The following EFNB2 variants were observed in gnomAD, a reference collection of about 807,000 sequenced individuals.
EFNB2 encodes ephrin-B2.
Under a neutral mutation model 32.1 loss-of-function variants are expected in EFNB2, and 5 were observed. The observed-to-expected ratio is 0.16, with a 90% CI of 0.08 to 0.33. The LOEUF (loss-of-function observed/expected upper bound fraction) is 0.33. Among genes scored for constraint, EFNB2 ranks in the 10% least tolerant of loss-of-function variants. The pLI is 1.00. For missense variants in EFNB2, 263 were observed against 422.6 expected, an observed-to-expected ratio of 0.62 and a Z score of 3.31; for synonymous variants, 168 against 166.5, an observed-to-expected ratio of 1.01 and a Z score of -0.07.
intron 1 of EFNB2, among the ~76,000 whole-genome samples, chr13:106,527,429 A>G (rs1398351833): frequency 1.3e-5 from 2 of 152,188 alleles, no homozygotes; most frequent in African/African-American, 4.8e-5. Context: ...AAAAGAGCAC[A>G]CTATTAATAC....
chr13:106,498,598 G>A (rs1295641413), intron 2 of EFNB2, among the ~76,000 whole-genome samples: 1 of 152,134 alleles, frequency 6.6e-6, no homozygotes, highest in Non-Finnish European at 1.5e-5. Context: ...TAGGAGGAAG[G>A]CTGTGTTGCA....
At chr13:106,526,892 C>T (rs934426910) in intron 1 of EFNB2, among the ~76,000 whole-genome samples, 3 of 152,162 alleles carry the variant, frequency 2.0e-5, no homozygotes, top group Non-Finnish European at 4.4e-5. Flanking sequence ...CTCTGAAGGT[C>T]GGAAATTCTT....
intron 1 of EFNB2, chr13:106,520,705 GAATA>G (rs1421185986): frequency 1.3e-5 from 2 of 152,140 alleles, no homozygotes; most frequent in Non-Finnish European, 2.9e-5. Flanking sequence ...GTTATAAAAT[GAATA>G]AATAAAGGCA....
intron 1 of EFNB2, among the ~76,000 whole-genome samples, chr13:106,527,514 C>T (rs578126203): frequency 1.1e-4 from 17 of 152,296 alleles, no homozygotes; most frequent in South Asian, 8.3e-4. Context: ...TTTAATGGAG[C>T]TTTCCCTTGC....
At chr13:106,496,954 C>A (rs1290031202) in intron 2 of EFNB2, among the ~76,000 whole-genome samples, 2 of 152,172 alleles carry the variant, frequency 1.3e-5, no homozygotes, top group African/African-American at 4.8e-5. Flanking sequence ...CAATTTAAAT[C>A]CATTTTCTAC....
At chr13:106,511,851 A>T (rs1197280849) in intron 2 of EFNB2, among the ~76,000 whole-genome samples, 1 of 152,194 alleles carries the variant, frequency 6.6e-6, no homozygotes, top group African/African-American at 2.4e-5. Flanking sequence ...CTGACTTCAC[A>T]TCCTCACAAG....
chr13:106,515,494 C>T (rs955736881), intron 1 of EFNB2, among the ~76,000 whole-genome samples: 5 of 152,090 alleles, frequency 3.3e-5, no homozygotes, highest in African/African-American at 1.2e-4. Context: ...ATTCCAAAAG[C>T]ATTAATTCAC....
intron 2 of EFNB2, among the ~76,000 whole-genome samples, chr13:106,510,573 G>T (rs1879110078): frequency 1.3e-5 from 2 of 150,760 alleles, no homozygotes; most frequent in African/African-American, 5.0e-5. Flanking sequence ...CTCATCTCTA[G>T]TGTGTCCCCT....
intron 1 of EFNB2, among the ~76,000 whole-genome samples, chr13:106,529,521 C>G (rs575366208): frequency 6.6e-6 from 1 of 152,198 alleles, no homozygotes; most frequent in African/African-American, 2.4e-5. Context: ...CTCAGCCATC[C>G]CAGACCACAA....
At chr13:106,502,260 A>G (rs979253603) in intron 2 of EFNB2, among the ~76,000 whole-genome samples, 6 of 152,230 alleles carry the variant, frequency 3.9e-5, no homozygotes, top group African/African-American at 1.4e-4. Flanking sequence ...GAAAAAGTAG[A>G]TTCTAAAATT....
chr13:106,493,077 G>C lies in EFNB2; in HGVS notation c.965C>G (p.Pro322Arg). 1 of 1,613,468 alleles carries C rather than the reference G, an allele frequency of 6.2e-7. No homozygotes were observed. The highest frequency in any genetic ancestry group is 8.5e-7 in the Non-Finnish European group (1 of 1,179,690). ...GHPVYIVQEM[P>R]PQSPANIYYK... ...GTAAATGTTCGCCGGGCTCTGCGGG[G>C]GCATCTCCTGGACGATGTACACCGG... The change falls in exon 5 of 5, where the codon CCC becomes CGC. Residue 322 changes from proline (P) to arginine (R), a missense_variant. Physicochemically the swap from Pro to Arg is moderately radical, Grantham distance 103. This residue lies in a region of EFNB2 where 172 missense variants were observed against 237.1 expected (regional missense o/e 0.73). Transcript: ENST00000646441. This position sits in a 1 kb window ranked among gnomAD's most constrained non-coding sequence, Gnocchi z 6.1.
chr13:106,532,381 A>G (rs1347986903), intron 1 of EFNB2, among the ~76,000 whole-genome samples: 21 of 152,234 alleles, frequency 1.4e-4, no homozygotes, highest in Admixed American at 1.4e-3. Flanking sequence ...CGGCTTCATT[A>G]CAAATGAATT....
At chr13:106,497,302 T>A (rs1878623351) in intron 2 of EFNB2, among the ~76,000 whole-genome samples, 1 of 152,148 alleles carries the variant, frequency 6.6e-6, no homozygotes, top group Admixed American at 6.5e-5. Flanking sequence ...AGTCTCACAA[T>A]TGCATCTCAT....
Position 106,493,091 on chromosome 13 carries a change from G to T in EFNB2, c.951C>A (p.Ile317=). Residue 317 remains isoleucine, a synonymous_variant, in exon 5 of 5, where the codon ATC becomes ATA. Coordinates refer to ENST00000646441, the MANE Select transcript of EFNB2 (RefSeq NM_004093.4). This position sits in a 1 kb window ranked among gnomAD's most constrained non-coding sequence, Gnocchi z 6.1. ...VSGDYGHPVY[I]VQEMPPQSPA... ...GGCTCTGCGGGGGCATCTCCTGGAC[G>T]ATGTACACCGGGTGCCCGTAGTCCC... 2 of 1,613,908 alleles carry T rather than the reference G, an allele frequency of 1.2e-6. No individual in the cohort carries two copies. Among genetic ancestry groups the T allele is most frequent in the Non-Finnish European group, 8.5e-7 (1 of 1,179,980 alleles).
intron 1 of EFNB2, among the ~76,000 whole-genome samples, chr13:106,529,375 AG>A (rs1174768045): frequency 6.6e-6 from 1 of 152,218 alleles, no homozygotes; most frequent in African/African-American, 2.4e-5. Context: ...AAAATCTCCC[AG>A]GCCCTAACAA....
intron 2 of EFNB2, among the ~76,000 whole-genome samples, chr13:106,508,089 T>A (rs1166560573): frequency 6.6e-6 from 1 of 152,130 alleles, no homozygotes; most frequent in African/African-American, 2.4e-5. Flanking sequence ...GAAGGTAGAA[T>A]AACCAGCCCA....
At chr13:106,497,723 A>T (rs1489833201) in intron 2 of EFNB2, among the ~76,000 whole-genome samples, 1 of 151,614 alleles carries the variant, frequency 6.6e-6, no homozygotes, top group East Asian at 1.9e-4. Context: ...CCGGTGTGTG[A>T]TTTTTTTCAG....
At chr13:106,533,472 G>A (rs1879951963) in intron 1 of EFNB2, among the ~76,000 whole-genome samples, 1 of 152,254 alleles carries the variant, frequency 6.6e-6, no homozygotes, top group Non-Finnish European at 1.5e-5. Context: ...GCAGAGCTAA[G>A]TAACTTCTCC....
Position 106,490,466 on chromosome 13 carries a change from G to A in EFNB2, c.*2574C>T, listed in dbSNP as rs1373160887. ...AGACGCACAGAACACTTTTCAATTG[G>A]TTGCAGGGAACTCTTTTATCAATTC... is the stretch of plus-strand genomic sequence containing the variant. On this transcript the variant is annotated 3_prime_UTR_variant, in exon 5 of 5. Coordinates refer to ENST00000646441, the MANE Select transcript of EFNB2 (RefSeq NM_004093.4). 6.6e-6 allele frequency: 1 copy of A among 152,146 alleles called. No individual in the cohort carries two copies. Among genetic ancestry groups the A allele is most frequent in the Non-Finnish European group, 1.5e-5 (1 of 68,016 alleles). 9.4% of individuals were successfully genotyped at this position (152,146 alleles called of 1,614,324 possible).
Sources: allele counts gnomAD v4.1 joint callset (sites outside exome capture counted in the v4.1 genomes callset), GRCh38; gene constraint gnomAD v4.1.1; regional missense constraint gnomAD v4.1.1; non-coding constraint Gnocchi (gnomAD v3.1); transcripts MANE v1.5; gene names NCBI Gene and HGNC (gene_info 2026-07-23, HGNC 2026-07-21).